Variants in NOL11 observed in about 807,000 individuals in gnomAD.
NOL11 encodes nucleolar protein 11.
In NOL11, 42 loss-of-function variants were observed where a neutral mutation model predicts 93.0. The observed-to-expected ratio is 0.45, with a 90% CI of 0.35 to 0.58. The LOEUF (loss-of-function observed/expected upper bound fraction) is 0.58, where lower values mean the gene tolerates loss of function less well. Ranked by LOEUF, NOL11 falls within the 20% of genes least tolerant of loss-of-function variation. The pLI is 0.00. For synonymous variants in NOL11, 296 were observed against 293.7 expected (o/e 1.01, Z -0.08); for missense variants, 775 against 841.8 (o/e 0.92, Z 0.98).
At chr17:67,732,210 C>T (rs1029820907) in intron 7 of NOL11, among the ~76,000 whole-genome samples, 1 of 152,084 alleles carries the variant, frequency 6.6e-6, no homozygotes, top group Non-Finnish European at 1.5e-5. Flanking sequence ...GGACCGGGCG[C>T]AGTAATCACA....
chr17:67,735,397 CTT>C (rs1484750209), intron 8 of NOL11, among the ~76,000 whole-genome samples: 5 of 151,886 alleles, frequency 3.3e-5, no homozygotes, highest in Admixed American at 1.3e-4. Flanking sequence ...TAAACTCACA[CTT>C]TTTTATTACA....
At chr17:67,724,783 C>T (rs535901267) in intron 6 of NOL11, among the ~76,000 whole-genome samples, 10 of 152,098 alleles carry the variant, frequency 6.6e-5, no homozygotes, top group Middle Eastern at 3.4e-3. Flanking sequence ...ATAAGCTGGC[C>T]GGGCATTGTT....
intron 6 of NOL11, 64 bp from the exon 7 acceptor site, chr17:67,726,396 A>T (rs2055093365): frequency 7.4e-7 from 1 of 1,356,070 alleles, no homozygotes. Flanking sequence ...AACCTAGTAC[A>T]TTTAACTGTA....
At position 67,743,868 on chromosome 17, in the gene NOL11, A is replaced by G; in HGVS notation, c.*9A>G. ...TGCTGGAGCTCTTCTGATATTATCA[A>G]TTCTCCTTCATAGACATTTTATAAA... is the stretch of plus-strand genomic sequence containing the variant. On this transcript the variant is annotated 3_prime_UTR_variant, in exon 18 of 18. Coordinates refer to ENST00000253247, the MANE Select transcript of NOL11 (RefSeq NM_015462.5). 4.9e-6 allele frequency: 6 copies of G among 1,215,172 alleles called. No individual in the cohort carries two copies. Among genetic ancestry groups the G allele is most frequent in the South Asian group, 1.4e-5 (1 of 72,292 alleles). 75.3% of individuals were successfully genotyped at this position (1,215,172 alleles called of 1,614,324 possible). A position where few individuals can be genotyped will look rare whatever the true frequency, so the allele number is the denominator to read the frequency against.
rs554206117 is a variant in NOL11 at position 67,733,923 on chromosome 17, A to G, written c.854-440A>G. ...TTGATTAGGATTTTTTTTTGCATCT[A>G]TACTCATGGGGATATTGCTCTGTAG... On this transcript the variant is annotated intron_variant, in intron 7 of 17. Coordinates refer to ENST00000253247, the MANE Select transcript of NOL11 (RefSeq NM_015462.5). Among the ~76,000 whole-genome samples the G allele has an allele frequency of 8.6e-5, 13 of 151,910 alleles. 2 individuals are homozygous for G. The highest frequency in any genetic ancestry group is 2.9e-4 in the African/African-American group (12 of 41,456).
intron 7 of NOL11, among the ~76,000 whole-genome samples, chr17:67,733,175 C>T (rs2055170507): frequency 1.3e-5 from 2 of 151,130 alleles, no homozygotes; most frequent in African/African-American, 4.9e-5. Context: ...ACCAGCCTGG[C>T]CATCATGGTG....
intron 10 of NOL11, 83 bp downstream of exon 10, chr17:67,736,837 C>T (rs1323963540): frequency 9.6e-7 from 1 of 1,041,404 alleles, no homozygotes; most frequent in Admixed American, 2.2e-5. Flanking sequence ...GAATCATATC[C>T]TTACAACTCT....
chr17:67,736,951 T>C, intron 10 of NOL11, 120 bp from the exon 11 acceptor site: 1 of 775,530 alleles, frequency 1.3e-6, no homozygotes, highest in Non-Finnish European at 2.1e-6. Context: ...ATATTTACTT[T>C]TAAAAGTTTT....
chr17:67,722,178 G>A (rs1041994937), intron 4 of NOL11, among the ~76,000 whole-genome samples: 5 of 152,148 alleles, frequency 3.3e-5, no homozygotes, highest in African/African-American at 1.2e-4. Flanking sequence ...TCTAGTTGCT[G>A]CTTTGCCACA....
Position 67,743,891 on chromosome 17 carries a change from A to G in NOL11, c.*32A>G, listed in dbSNP as rs772370649. 1.8e-6 allele frequency: 2 copies of G among 1,119,306 alleles called. No individual in the cohort carries two copies. The highest frequency in any genetic ancestry group is 5.0e-5 in the Admixed American group (2 of 39,930). The allele number at this position is 1,119,306 out of a possible 1,614,324, so 69.3% of individuals were successfully genotyped here. On this transcript the variant is annotated 3_prime_UTR_variant, in exon 18 of 18. Coordinates refer to ENST00000253247, the MANE Select transcript of NOL11 (RefSeq NM_015462.5). ...CAATTCTCCTTCATAGACATTTTATAAAGCTCTTTTATGTGAACTCTTGCT... is the reference window on the plus strand; with the variant it reads ...CAATTCTCCTTCATAGACATTTTATGAAGCTCTTTTATGTGAACTCTTGCT...
Position 67,726,441 on chromosome 17 carries a change from A to C in NOL11, c.665-19A>C, listed in dbSNP as rs2055094185. The C allele has an allele frequency of 3.1e-6, 5 of 1,593,202 alleles. No individual in the cohort carries two copies. The East Asian group carries it at 1.1e-4, about 36-fold the overall frequency. On this transcript the variant is annotated intron_variant, in intron 6 of 17. Transcript: ENST00000253247. ...GAAGTATCCTTCAATAACCAACAAC[A>C]AATGCTTGTTTCCAACAGGCTCTGA...
Position 67,736,698 on chromosome 17 carries a change from G to C in NOL11, c.1087G>C (p.Glu363Gln). The C allele has an allele frequency of 1.9e-6, 3 of 1,612,870 alleles. No homozygotes were observed. The highest frequency in any genetic ancestry group is 2.5e-6 in the Non-Finnish European group (3 of 1,179,372). ...THVVSHFVNW[E>Q]TPQGCGLGFQ... is the part of the protein sequence containing the mutation. ...TGTCGTGTCCCATTTTGTAAACTGGGAGACACCTCAAGGATGTGGACTTGG... is the reference window on the plus strand; with the variant it reads ...TGTCGTGTCCCATTTTGTAAACTGGCAGACACCTCAAGGATGTGGACTTGG... The change falls in exon 10 of 18, where the codon GAG (glutamate) becomes CAG (glutamine). Residue 363 changes from glutamate (E) to glutamine (Q), a missense_variant. Around this residue, in one of 2 missense-constraint regions of NOL11, gnomAD observed 416 missense variants for 525.2 expected, o/e 0.79. Coordinates refer to ENST00000253247, the MANE Select transcript of NOL11 (RefSeq NM_015462.5).
rs1336369674 is a variant in NOL11, at chr17:67,726,628, G to T, written c.833G>T (p.Ser278Ile). ...CAGGATCACGTCGCAGTCCTAGGAAGTCCACTAGCAGCTTCTAAGGGTAAC... is the reference window on the plus strand; with the variant it reads ...CAGGATCACGTCGCAGTCCTAGGAATTCCACTAGCAGCTTCTAAGGGTAAC... ...LDQDHVAVLG[S>I]PLAASKECLS... Residue 278 changes from serine (S) to isoleucine (I), a missense_variant, in exon 7 of 18, where the codon AGT (serine) becomes ATT (isoleucine). By Grantham distance (142) the Ser-to-Ile change is moderately radical (BLOSUM62 -2). This residue lies in a region of NOL11 where 416 missense variants were observed against 525.2 expected (regional missense o/e 0.79). Transcript: ENST00000253247. 1 of 1,604,068 alleles carries T rather than the reference G, an allele frequency of 6.2e-7. No individual in the cohort carries two copies. The highest frequency in any genetic ancestry group is 1.7e-5 in the Admixed American group (1 of 57,322).
At chr17:67,725,968 G>A (rs1420211274) in intron 6 of NOL11, among the ~76,000 whole-genome samples, 8 of 152,122 alleles carry the variant, frequency 5.3e-5, no homozygotes, top group African/African-American at 1.2e-4. Context: ...TGTAGTCCCC[G>A]CTATTTGGGA....
chr17:67,722,661 G>T (rs768654487), intron 5 of NOL11, 24 bp downstream of exon 5: 5 of 1,528,614 alleles, frequency 3.3e-6, no homozygotes, highest in South Asian at 1.3e-5. Context: ...TCAATTCCTG[G>T]CCCATTTTGT....
At chr17:67,730,148 TCATC>T (rs966076717) in intron 7 of NOL11, among the ~76,000 whole-genome samples, 2 of 152,266 alleles carry the variant, frequency 1.3e-5, no homozygotes, top group Non-Finnish European at 2.9e-5. Flanking sequence ...TGTTATCTGT[TCATC>T]CATTCATGGA....
At chr17:67,729,809 G>A (rs1195643512) in intron 7 of NOL11, among the ~76,000 whole-genome samples, 1 of 150,726 alleles carries the variant, frequency 6.6e-6, no homozygotes, top group African/African-American at 2.4e-5. Context: ...TCGATCCCCT[G>A]ACCTCATGAT....
intron 1 of NOL11, among the ~76,000 whole-genome samples, 187 bp downstream of exon 1, chr17:67,718,275 A>G (rs1012462617): frequency 6.6e-6 from 1 of 152,192 alleles, no homozygotes; most frequent in African/African-American, 2.4e-5. Context: ...CTGTAAAGGC[A>G]TATTTCCGAC....
At chr17:67,725,957 C>T (rs949282674) in intron 6 of NOL11, among the ~76,000 whole-genome samples, 1 of 152,102 alleles carries the variant, frequency 6.6e-6, no homozygotes. Flanking sequence ...GTTTGTGCAC[C>T]TGTAGTCCCC....
Sources: gnomAD v4.1 joint callset for allele counts (sites outside exome capture counted in the v4.1 genomes callset) on GRCh38, gnomAD v4.1.1 for gene constraint, gnomAD v4.1.1 regional missense constraint, MANE v1.5 for transcripts, NCBI Gene and HGNC (gene_info 2026-07-23, HGNC 2026-07-21) for gene names.